The following FHL5 variants were observed in gnomAD, a reference collection of about 807,000 sequenced individuals.
FHL5 encodes four and a half LIM domains 5.
In FHL5, 33 loss-of-function variants were observed where a neutral mutation model predicts 32.0. That is an observed-to-expected ratio of 1.03 (90% CI 0.78 to 1.38). The LOEUF is 1.38. Ranked by LOEUF, FHL5 falls within the 40% of genes most tolerant of loss-of-function variation. The pLI is 0.00. For missense variants in FHL5, 336 were observed against 343.9 expected (o/e 0.98, Z 0.18); for synonymous variants, 114 against 113.6 (o/e 1.00, Z -0.02).
intron 5 of FHL5, among the ~76,000 whole-genome samples, chr6:96,611,377 T>C (rs911828117): frequency 6.7e-6 from 1 of 148,542 alleles, no homozygotes; most frequent in East Asian, 1.9e-4. Context: ...GAAAAAAAAA[T>C]GTGACATGAT....
At chr6:96,594,345 T>C (rs1327621676) in intron 1 of FHL5, among the ~76,000 whole-genome samples, 1 of 149,070 alleles carries the variant, frequency 6.7e-6, no homozygotes, top group Non-Finnish European at 1.5e-5. Flanking sequence ...AAAATACACA[T>C]GTACAATTTT....
intron 4 of FHL5, among the ~76,000 whole-genome samples, 182 bp downstream of exon 4, chr6:96,606,253 T>C (rs557700088): frequency 6.6e-6 from 1 of 152,306 alleles, no homozygotes; most frequent in South Asian, 2.1e-4. Context: ...TCTTTTTTTT[T>C]TTTATTAACC....
chr6:96,573,464 C>T (rs895971018), intron 1 of FHL5, among the ~76,000 whole-genome samples: 2 of 150,664 alleles, frequency 1.3e-5, no homozygotes, highest in African/African-American at 4.9e-5. Context: ...CTTGTAATTA[C>T]ATTCAGTCTA....
At position 96,603,777 on chromosome 6, in the gene FHL5, G is replaced by A; in HGVS notation, c.159+5G>A. ...CCAATTGAATCTGATTCTAAGGTAA[G>A]TCTCACCTCAATTTACAGAATTACT... On this transcript the variant is annotated splice_donor_5th_base_variant and intron_variant, in intron 2 of 5. Transcript: ENST00000450218. The A allele has an allele frequency of 6.2e-7, 1 of 1,603,514 alleles. No homozygotes were observed. Among genetic ancestry groups the A allele is most frequent in the Non-Finnish European group, 8.5e-7 (1 of 1,174,748 alleles).
intron 1 of FHL5, among the ~76,000 whole-genome samples, chr6:96,578,975 C>T (rs576018562): frequency 6.6e-6 from 1 of 152,234 alleles, no homozygotes; most frequent in South Asian, 2.1e-4. Context: ...AAAAGAGAGA[C>T]TGGCTGTATT....
intron 1 of FHL5, among the ~76,000 whole-genome samples, chr6:96,563,933 A>G (rs1770299242): frequency 6.6e-6 from 1 of 152,180 alleles, no homozygotes; most frequent in Non-Finnish European, 1.5e-5. Context: ...CTGTGTTTCC[A>G]GCCCACAGAA....
intron 1 of FHL5, among the ~76,000 whole-genome samples, chr6:96,591,287 A>C (rs1387478710): frequency 6.6e-6 from 1 of 152,002 alleles, no homozygotes; most frequent in Non-Finnish European, 1.5e-5. Context: ...TTCTTGTGTC[A>C]ATTTTAATAG....
Position 96,615,637 on chromosome 6 carries a change from T to TC in FHL5, c.721dup (p.Gln241ProfsTer7), listed in dbSNP as rs1460624902. 6.2e-7 allele frequency: 1 copy of TC among 1,612,400 alleles called. No individual in the cohort carries two copies. Among genetic ancestry groups the TC allele is most frequent in the African/African-American group, 1.3e-5 (1 of 74,800 alleles). ...TCACAGGTGCCAAGTTTATCTGCTT[T>TC]CAAGACAGCCAGTGGCATAGCGAAT... On this transcript the variant is annotated frameshift_variant, in exon 6 of 6. Coordinates refer to ENST00000450218, the MANE Select transcript of FHL5 (RefSeq NM_001322466.2). LOFTEE classifies it high-confidence loss of function.
rs143797757 is a variant in FHL5 at position 96,566,445 on chromosome 6, T to C, written c.-13+3090T>C. ...TCATATCTTGGCTATGTGTTGTGAGTAGTGCTGCAATAAACATGGGAATAC... is the reference window on the plus strand; with the variant it reads ...TCATATCTTGGCTATGTGTTGTGAGCAGTGCTGCAATAAACATGGGAATAC... On this transcript the variant is annotated intron_variant, in intron 1 of 5. Transcript: ENST00000450218. Among the ~76,000 whole-genome samples, 526 of 152,120 alleles carry C rather than the reference T, an allele frequency of 3.5e-3. 5 individuals carry two copies. The highest frequency in any genetic ancestry group is 0.01 in the Middle Eastern group (3 of 294).
intron 1 of FHL5, among the ~76,000 whole-genome samples, chr6:96,583,698 T>C (rs976425930): frequency 6.6e-6 from 1 of 152,106 alleles, no homozygotes; most frequent in Non-Finnish European, 1.5e-5. Flanking sequence ...TGGCTGATAT[T>C]CAAAGGGCAA....
At chr6:96,564,901 T>G (rs1236125621) in intron 1 of FHL5, among the ~76,000 whole-genome samples, 1 of 151,900 alleles carries the variant, frequency 6.6e-6, no homozygotes, top group East Asian at 1.9e-4. Flanking sequence ...AAGAAAGAGG[T>G]AGAGGAAGAG....
chr6:96,580,939 A>T (rs1477434800), intron 1 of FHL5, among the ~76,000 whole-genome samples: 1 of 152,200 alleles, frequency 6.6e-6, no homozygotes, highest in Non-Finnish European at 1.5e-5. Context: ...TTTACTGGAC[A>T]GCTTCCAATA....
chr6:96,595,030 G>A (rs1427713363), intron 1 of FHL5, among the ~76,000 whole-genome samples: 1 of 151,724 alleles, frequency 6.6e-6, no homozygotes, highest in Non-Finnish European at 1.5e-5. Flanking sequence ...TTGTGTAACT[G>A]CATGTTAGTC....
chr6:96,603,764 G>T lies in FHL5; in HGVS notation c.151G>T (p.Asp51Tyr). 6.2e-7 allele frequency: 1 copy of T among 1,608,376 alleles called. No individual in the cohort carries two copies. The highest frequency in any genetic ancestry group is 1.1e-5 in the South Asian group (1 of 89,976). The stretch of plus-strand genomic sequence containing the variant: ...GGAATGCAAAAAACCAATTGAATCT[G>T]ATTCTAAGGTAAGTCTCACCTCAAT... ...CEECKKPIES[D>Y]SKDLCYKDRH... The change falls in exon 2 of 6, where the codon GAT (aspartate) becomes TAT (tyrosine). Residue 51 changes from aspartate (D) to tyrosine (Y), a missense_variant. By Grantham distance (160) the Asp-to-Tyr change is radical. Coordinates refer to ENST00000450218, the MANE Select transcript of FHL5 (RefSeq NM_001322466.2).
intron 1 of FHL5, among the ~76,000 whole-genome samples, chr6:96,584,461 T>TGTTTGTG (rs1770757947): frequency 2.5e-4 from 21 of 85,308 alleles, no homozygotes; most frequent in African/African-American, 1.0e-3. Context: ...GTGTGTGTGT[T>TGTTTGTG]TGTGTGTGTG....
chr6:96,579,364 C>T (rs1770651484), intron 1 of FHL5, among the ~76,000 whole-genome samples: 1 of 152,090 alleles, frequency 6.6e-6, no homozygotes, highest in Non-Finnish European at 1.5e-5. Context: ...ATATATACAA[C>T]AAATTTAATA....
At position 96,570,348 on chromosome 6, in the gene FHL5, T is replaced by A. The variant is rs1408313846; in HGVS notation, c.-13+6993T>A. Reference sequence around the variant, plus strand: ...AGGTTTCTGTAGCAAAATTTACTAGTCTAATGCAGTTCTCTTATGTGACTT... The same window carrying A: ...AGGTTTCTGTAGCAAAATTTACTAGACTAATGCAGTTCTCTTATGTGACTT... On this transcript the variant is annotated intron_variant, in intron 1 of 5. Coordinates refer to ENST00000450218, the MANE Select transcript of FHL5 (RefSeq NM_001322466.2). 3.3e-5 allele frequency among the ~76,000 whole-genome samples: 5 copies of A among 152,288 alleles called. 1 individual carries two copies. Among genetic ancestry groups the A allele is most frequent in the Admixed American group, 2.0e-4 (3 of 15,298 alleles).
intron 1 of FHL5, among the ~76,000 whole-genome samples, chr6:96,596,928 ACTCT>A (rs146109364): frequency 2.0e-5 from 3 of 148,606 alleles, no homozygotes; most frequent in East Asian, 3.9e-4. Flanking sequence ...TTTCAGAATG[ACTCT>A]CTCTCTCTCT....
intron 1 of FHL5, among the ~76,000 whole-genome samples, chr6:96,573,000 C>G (rs1361853016): frequency 1.3e-5 from 2 of 152,148 alleles, no homozygotes; most frequent in Non-Finnish European, 2.9e-5. Flanking sequence ...TATCTTGCTG[C>G]TATCTCTCTG....
Sources: allele counts gnomAD v4.1 joint callset (sites outside exome capture counted in the v4.1 genomes callset), GRCh38; gene constraint gnomAD v4.1.1; transcripts MANE v1.5; gene names NCBI Gene and HGNC (gene_info 2026-07-23, HGNC 2026-07-21).